The following PLEKHG1 variants were observed in gnomAD, a reference collection of about 807,000 sequenced individuals.
PLEKHG1 encodes the protein pleckstrin homology and RhoGEF domain containing G1.
PLEKHG1 carries 44 observed loss-of-function variants against 100.8 expected under a neutral mutation model. The observed-to-expected ratio is 0.44, with a 90% CI of 0.34 to 0.56. The LOEUF is 0.56. Ranked by LOEUF, PLEKHG1 falls within the 20% of genes least tolerant of loss-of-function variation. PLEKHG1 has a pLI of 0.01. For synonymous variants in PLEKHG1, 640 were observed against 662.5 expected, an observed-to-expected ratio of 0.97 and a Z score of 0.52; for missense variants, 1,545 against 1,720.9, an observed-to-expected ratio of 0.90 and a Z score of 1.81.
At chr6:150,722,349 CTTTTTTTTTTTTT>C (rs139069069) in intron 1 of PLEKHG1, among the ~76,000 whole-genome samples, 2 of 90,680 alleles carry the variant, frequency 2.2e-5, no homozygotes, top group African/African-American at 4.2e-5. Context: ...TTTTTCTTTT[CTTTTTTTTTTTTT>C]TTTTTTTTTG....
At chr6:150,768,895 A>G (rs955425399) in intron 3 of PLEKHG1, among the ~76,000 whole-genome samples, 157 bp downstream of exon 4, 18 of 152,026 alleles carry the variant, frequency 1.2e-4, no homozygotes, top group African/African-American at 4.3e-4. Context: ...AAGTATCCTT[A>G]TTTCCTTATG....
chr6:150,603,753 C>CCTT (rs35610846), intron 1 of PLEKHG1, among the ~76,000 whole-genome samples: 83,440 of 151,778 alleles, frequency 0.55, 23,262 homozygotes, highest in South Asian at 0.64. Context: ...ATCTAAACAT[C>CCTT]CTTTGGTAAA....
At chr6:150,840,856 G>A (rs199807295) in exon 16 of PLEKHG1, 1 of 1,612,842 alleles carries the variant, frequency 6.2e-7, no homozygotes, top group Admixed American at 1.7e-5. Context: ...CAGTCTCTAA[G>A]GGAAAAATTT....
At chr6:150,715,557 G>A (rs1381546862) in intron 3 of PLEKHG1, among the ~76,000 whole-genome samples, 5 of 148,508 alleles carry the variant, frequency 3.4e-5, no homozygotes, top group Non-Finnish European at 7.4e-5. Context: ...GCATGATCTC[G>A]GCTCACTGCA....
intron 6 of PLEKHG1, among the ~76,000 whole-genome samples, chr6:150,802,174 C>T (rs1480920936): frequency 6.6e-6 from 1 of 152,098 alleles, no homozygotes; most frequent in Non-Finnish European, 1.5e-5. Context: ...CTAGCAATTT[C>T]TTAGCTTTGT....
intron 4 of PLEKHG1, among the ~76,000 whole-genome samples, chr6:150,787,255 G>A (rs956005558): frequency 6.6e-6 from 1 of 152,106 alleles, no homozygotes; most frequent in Non-Finnish European, 1.5e-5. Context: ...CTCTTCCACT[G>A]TTTTCTTAAG....
intron 2 of PLEKHG1, among the ~76,000 whole-genome samples, chr6:150,643,001 T>TAAG (rs1395755608): frequency 6.6e-6 from 1 of 152,144 alleles, no homozygotes; most frequent in African/African-American, 2.4e-5. Flanking sequence ...TTTAAAAACT[T>TAAG]AAGGAAAATA....
intron 14 of PLEKHG1, among the ~76,000 whole-genome samples, chr6:150,827,277 CTTT>C (rs759695142): frequency 5.4e-5 from 7 of 130,322 alleles, no homozygotes; most frequent in Admixed American, 7.8e-5. Flanking sequence ...AAACTGCTTT[CTTT>C]TTTTTTTTTT....
intron 2 of PLEKHG1, among the ~76,000 whole-genome samples, chr6:150,640,400 T>C (rs574981851): frequency 6.6e-5 from 10 of 152,166 alleles, no homozygotes; most frequent in Non-Finnish European, 1.3e-4. Flanking sequence ...CCAAGAACCA[T>C]CATGTTCCTG....
chr6:150,746,449 C>G lies in PLEKHG1; in HGVS notation c.411+12357C>G, dbSNP rs189817080. ...TAAAGAGTTCTATGATAGACCCTTG[C>G]CAAAAAAACATGGTCTTCCGTTAGT... On this transcript the variant is annotated intron_variant, in intron 2 of 15. Transcript: ENST00000358517. 1.9e-3 allele frequency among the ~76,000 whole-genome samples: 287 copies of G among 152,140 alleles called. 1 individual carries two copies. The highest frequency in any genetic ancestry group is 4.0e-3 in the Admixed American group (61 of 15,280).
intron 3 of PLEKHG1, among the ~76,000 whole-genome samples, chr6:150,675,256 AT>A (rs1343787599): frequency 6.6e-6 from 1 of 152,102 alleles, no homozygotes; most frequent in Non-Finnish European, 1.5e-5. Context: ...TGTTCACACC[AT>A]TTATTAATCT....
At chr6:150,768,103 G>A (rs1010402543) in intron 2 of PLEKHG1, among the ~76,000 whole-genome samples, 1 of 152,092 alleles carries the variant, frequency 6.6e-6, no homozygotes, top group African/African-American at 2.4e-5. Flanking sequence ...GTTTTCTGTG[G>A]CTAATTAACA....
chr6:150,798,235 C>T (rs1786471585), intron 5 of PLEKHG1, among the ~76,000 whole-genome samples: 2 of 152,048 alleles, frequency 1.3e-5, no homozygotes, highest in African/African-American at 4.8e-5. Context: ...AAACTTCTTC[C>T]TTAGGGAAGG....
At chr6:150,814,522 C>G (rs1236772914) in intron 10 of PLEKHG1, among the ~76,000 whole-genome samples, 1 of 152,198 alleles carries the variant, frequency 6.6e-6, no homozygotes, top group East Asian at 1.9e-4. Context: ...ATTTCACCCT[C>G]ACCAAAATAT....
rs35123545 is a variant in PLEKHG1, at chr6:150,785,033, T to TAAA, written c.513-1345_513-1343dup. On this transcript the variant is annotated intron_variant, in intron 3 of 15. Transcript: ENST00000358517. ...CAGAGTGAGACCCTGTCTCTAAAAT[T>TAAA]AAAAAAAAAAAAAAGAGAGAGAGAG... Among the ~76,000 whole-genome samples, 142 of 136,256 alleles carry TAAA rather than the reference T, an allele frequency of 1.0e-3. No individual in the cohort carries two copies. The Middle Eastern group carries it at 0.025, about 24-fold the overall frequency. 89.4% of individuals were successfully genotyped at this position (136,256 alleles called of 152,430 possible). A position where few individuals can be genotyped will look rare whatever the true frequency, so the allele number is the denominator to read the frequency against.
intron 4 of PLEKHG1, among the ~76,000 whole-genome samples, chr6:150,790,106 C>T (rs188522254): frequency 7.9e-5 from 12 of 152,276 alleles, no homozygotes; most frequent in Admixed American, 6.5e-4. Context: ...CCACAACTTC[C>T]GCCTCCCAGG....
At chr6:150,649,272 CTAAT>C (rs1405674381) in intron 2 of PLEKHG1, among the ~76,000 whole-genome samples, 8 of 152,106 alleles carry the variant, frequency 5.3e-5, no homozygotes, top group Non-Finnish European at 1.0e-4. Flanking sequence ...CTAGGTGGAG[CTAAT>C]TATAGTAAAG....
At chr6:150,608,121 T>C (rs1400822301) in intron 1 of PLEKHG1, among the ~76,000 whole-genome samples, 2 of 152,200 alleles carry the variant, frequency 1.3e-5, no homozygotes, top group East Asian at 1.9e-4. Context: ...ACCCTCATGG[T>C]CCACAGGTGT....
At chr6:150,654,486 C>T (rs914627149) in intron 3 of PLEKHG1, among the ~76,000 whole-genome samples, 1 of 152,208 alleles carries the variant, frequency 6.6e-6, no homozygotes, top group Admixed American at 6.5e-5. Flanking sequence ...TCACTGCCCT[C>T]TCATGAGCAG....
Sources: gnomAD v4.1 joint callset for allele counts (sites outside exome capture counted in the v4.1 genomes callset) on GRCh38, gnomAD v4.1.1 for gene constraint, MANE v1.5 for transcripts, NCBI Gene and HGNC (gene_info 2026-07-23, HGNC 2026-07-21) for gene names.